Variants in TG observed in about 807,000 individuals in gnomAD.
The protein encoded by TG is thyroid hormones.
Under a neutral mutation model 324.7 loss-of-function variants are expected in TG, and 270 were observed. The ratio of observed to expected loss-of-function variants is 0.83; its 90% confidence interval spans 0.75 to 0.92. The LOEUF (loss-of-function observed/expected upper bound fraction) is 0.92. Ranked by LOEUF, TG falls within the 40% of genes least tolerant of loss-of-function variation. The pLI is 0.00. For synonymous variants in TG, 1,401 were observed against 1,327.0 expected, an observed-to-expected ratio of 1.06 and a Z score of -1.21; for missense variants, 3,591 against 3,456.4, an observed-to-expected ratio of 1.04 and a Z score of -0.98.
intron 41 of TG, among the ~76,000 whole-genome samples, chr8:133,041,436 G>A (rs1838219948): frequency 6.6e-6 from 1 of 152,238 alleles, no homozygotes; most frequent in African/African-American, 2.4e-5. Flanking sequence ...CACCCACACA[G>A]GTGCCCTTGG....
At chr8:132,891,608 T>C (rs1816250232) in intron 10 of TG, among the ~76,000 whole-genome samples, 2 of 152,206 alleles carry the variant, frequency 1.3e-5, no homozygotes, top group South Asian at 4.1e-4. Flanking sequence ...GTGCTAGGAT[T>C]ACAGGCATGA....
chr8:133,014,042 T>C (rs748240142), intron 37 of TG, among the ~76,000 whole-genome samples: 14 of 152,262 alleles, frequency 9.2e-5, no homozygotes, highest in Admixed American at 5.2e-4. Flanking sequence ...TTTTGTAGTT[T>C]AGAGAGTTCT....
At chr8:133,120,599 C>T (rs1460450837) in intron 45 of TG, among the ~76,000 whole-genome samples, 3 of 152,148 alleles carry the variant, frequency 2.0e-5, no homozygotes, top group Non-Finnish European at 4.4e-5. Context: ...CTGTGTTCTT[C>T]GTCCGGTATT....
rs2702983 is a variant in TG at position 133,083,369 on chromosome 8, T to C, written c.7240-11675T>C. 8.1e-3 allele frequency among the ~76,000 whole-genome samples: 1,229 copies of C among 152,374 alleles called. 17 individuals carry two copies. Among genetic ancestry groups the C allele is most frequent in the South Asian group, 0.044 (211 of 4,834 alleles). On this transcript the variant is annotated intron_variant, in intron 41 of 47. Transcript: ENST00000220616. ...ACTTGAAACATGTATGCACTTTACA[T>C]GTTATCTCATCAATTCATCTTAACA...
chr8:132,950,436 C>A (rs1370305146), intron 27 of TG, among the ~76,000 whole-genome samples: 1 of 152,180 alleles, frequency 6.6e-6, no homozygotes, highest in Admixed American at 6.5e-5. Context: ...CTCCTGCCTC[C>A]CAGGGAAGCT....
At chr8:132,893,617 C>T in intron 10 of TG, 73 bp from the exon 11 acceptor site, 1 of 1,605,672 alleles carries the variant, frequency 6.2e-7, no homozygotes. Context: ...CGTGAGGGCA[C>T]ACATGCTTCA....
intron 22 of TG, 55 bp from the exon 23 acceptor site, chr8:132,929,021 T>G: frequency 7.0e-7 from 1 of 1,436,480 alleles, no homozygotes; most frequent in East Asian, 2.3e-5. Flanking sequence ...ATGGCTTCTC[T>G]GCAGATGCCC....
intron 35 of TG, among the ~76,000 whole-genome samples, chr8:132,993,139 ATAT>A (rs1256139252): frequency 6.6e-6 from 1 of 152,246 alleles, no homozygotes; most frequent in Admixed American, 6.5e-5. Context: ...TAGATGCTCA[ATAT>A]TATTTTATTT....
chr8:132,917,035 C>CCTTCCT (rs1563951792), intron 20 of TG, among the ~76,000 whole-genome samples: 106 of 84,544 alleles, frequency 1.3e-3, no homozygotes, highest in African/African-American at 3.4e-3. Context: ...GCCTCCCTCC[C>CCTTCCT]TCCCTCCCTC....
intron 34 of TG, among the ~76,000 whole-genome samples, chr8:132,977,552 A>G (rs769822501): frequency 1.3e-5 from 2 of 152,176 alleles, no homozygotes; most frequent in South Asian, 2.1e-4. Flanking sequence ...ACGGTTCCAC[A>G]TGACTGAGGA....
chr8:132,873,192 G>C lies in TG; in HGVS notation c.609G>C (p.Met203Ile), dbSNP rs1839659773. The C allele has an allele frequency of 6.2e-7, 1 of 1,614,034 alleles. No individual in the cohort carries two copies. Among genetic ancestry groups the C allele is most frequent in the South Asian group, 1.1e-5 (1 of 91,080 alleles). ...AATTTGTCAACACCACAGACATGATGATTTTTGATCTGGTCCACAGCTACA... is the reference window on the plus strand; with the variant it reads ...AATTTGTCAACACCACAGACATGATCATTTTTGATCTGGTCCACAGCTACA... Reference protein sequence around the residue: ...QCKFVNTTDMMIFDLVHSYNR... With the variant: ...QCKFVNTTDMIIFDLVHSYNR... The change falls in exon 5 of 48, where the codon ATG (methionine) becomes ATC (isoleucine). Residue 203 changes from methionine (M) to isoleucine (I), a missense_variant. Met to Ile is a conservative substitution (Grantham distance 10, BLOSUM62 1). Coordinates refer to ENST00000220616, the MANE Select transcript of TG (RefSeq NM_003235.5).
At chr8:132,881,409 G>A (rs1382722840) in intron 5 of TG, among the ~76,000 whole-genome samples, 2 of 152,034 alleles carry the variant, frequency 1.3e-5, no homozygotes, top group African/African-American at 4.8e-5. Flanking sequence ...CTTTTGAAAA[G>A]TCGTAAAGGG....
intron 13 of TG, 152 bp downstream of exon 13, chr8:132,898,398 C>G: frequency 1.3e-6 from 1 of 792,412 alleles, no homozygotes; most frequent in South Asian, 1.5e-5. Context: ...AGTCCCCAGG[C>G]CTGCAAGCTT....
chr8:132,893,622 G>A (rs1481468600), intron 10 of TG, 68 bp from the exon 11 acceptor site: 37 of 1,609,228 alleles, frequency 2.3e-5, no homozygotes, highest in Non-Finnish European at 3.1e-5. Flanking sequence ...GGGCACACAT[G>A]CTTCATGGGA....
At chr8:133,012,063 G>T in intron 36 of TG, 28 bp downstream of exon 36, 1 of 1,614,028 alleles carries the variant, frequency 6.2e-7, no homozygotes, top group Non-Finnish European at 8.5e-7. Context: ...CCCACAGGTT[G>T]GGTGGGACAA....
intron 27 of TG, among the ~76,000 whole-genome samples, chr8:132,956,776 G>T (rs974944346): frequency 6.6e-6 from 1 of 152,298 alleles, no homozygotes; most frequent in East Asian, 1.9e-4. Flanking sequence ...CTATGTGGCT[G>T]AGGGATGGGA....
chr8:133,000,459 T>G (rs76049120), intron 35 of TG, among the ~76,000 whole-genome samples: 1 of 152,184 alleles, frequency 6.6e-6, no homozygotes, highest in East Asian at 1.9e-4. Flanking sequence ...AGACCAATAA[T>G]TGAGACTTAG....
intron 41 of TG, among the ~76,000 whole-genome samples, chr8:133,063,137 C>T (rs1259573054): frequency 2.0e-5 from 3 of 151,748 alleles, no homozygotes; most frequent in Non-Finnish European, 4.4e-5. Flanking sequence ...TGTCCCCAGA[C>T]ACAGCAAACT....
intron 41 of TG, chr8:133,047,649 C>A: frequency 1.6e-6 from 1 of 626,672 alleles, no homozygotes; most frequent in Non-Finnish European, 2.9e-6. Context: ...CTGCCTGTCT[C>A]TAGTCCCCTT....
Sources: allele counts gnomAD v4.1 joint callset (sites outside exome capture counted in the v4.1 genomes callset), GRCh38; gene constraint gnomAD v4.1.1; transcripts MANE v1.5; gene names NCBI Gene and HGNC (gene_info 2026-07-23, HGNC 2026-07-21).